Variants in PLEKHG4B observed in about 807,000 individuals in gnomAD.
PLEKHG4B encodes the protein pleckstrin homology and RhoGEF domain containing G4B.
In PLEKHG4B, 111 loss-of-function variants were observed where a neutral mutation model predicts 121.3. The ratio of observed to expected loss-of-function variants is 0.92; its 90% confidence interval spans 0.78 to 1.07. PLEKHG4B has a LOEUF of 1.07. Ranked by LOEUF, PLEKHG4B falls within the 50% of genes least tolerant of loss-of-function variation. The pLI is 0.00. For missense variants in PLEKHG4B, 1,831 were observed against 1,757.8 expected, an observed-to-expected ratio of 1.04 and a Z score of -0.74; for synonymous variants, 738 against 725.0, an observed-to-expected ratio of 1.02 and a Z score of -0.29.
Position 159,838 on chromosome 5 carries a change from C to T in PLEKHG4B, c.2488-1945C>T, listed in dbSNP as rs1219024695. 6.6e-6 allele frequency among the ~76,000 whole-genome samples: 1 copy of T among 152,190 alleles called. No individual in the cohort carries two copies. The highest frequency in any genetic ancestry group is 2.4e-5 in the African/African-American group (1 of 41,450). On this transcript the variant is annotated intron_variant, in intron 11 of 19. Transcript: ENST00000637938. The surrounding 1 kb of genome is among the most constrained non-coding windows in gnomAD (Gnocchi z 5.5). ...CAGCTCCTTCCCTCCGACACTCCCT[C>T]ACCCTGTCCTGTGGAGTCTCGGGAC...
rs1045691072 is a variant in PLEKHG4B, at chr5:156,038, A to T, written c.2209-33A>T. 6.6e-7 allele frequency: 1 copy of T among 1,519,380 alleles called. No homozygotes were observed. Among genetic ancestry groups the T allele is most frequent in the Admixed American group, 2.0e-5 (1 of 51,118 alleles). 94.1% of individuals were successfully genotyped at this position (1,519,380 alleles called of 1,614,324 possible). A position where few individuals can be genotyped will look rare whatever the true frequency, so the allele number is the denominator to read the frequency against. ...GGAGGACCTGCCCCTTGGAGGAGGG[A>T]GTTAAAGGCTTATTCCTCCCCATCC... On this transcript the variant is annotated intron_variant, in intron 9 of 19. Transcript: ENST00000637938. The surrounding 1 kb of genome is among the most constrained non-coding windows in gnomAD (Gnocchi z 4.4).
At chr5:94,774 C>T (rs909601738) in intron 1 of PLEKHG4B, among the ~76,000 whole-genome samples, 2 of 152,080 alleles carry the variant, frequency 1.3e-5, no homozygotes, top group Non-Finnish European at 2.9e-5. Context: ...GTCCAAAGAA[C>T]AGGCCTGGAA....
At chr5:102,727 A>G (rs192561724) in intron 1 of PLEKHG4B, among the ~76,000 whole-genome samples, 202 of 152,328 alleles carry the variant, frequency 1.3e-3, no homozygotes, top group African/African-American at 4.7e-3. Context: ...AGTCTCGAGT[A>G]TCTCTTTATA....
At chr5:176,720 C>T (rs1326641851) in intron 18 of PLEKHG4B, among the ~76,000 whole-genome samples, 1 of 152,250 alleles carries the variant, frequency 6.6e-6, no homozygotes, top group African/African-American at 2.4e-5. Flanking sequence ...AGCTGATGCT[C>T]AGAGACTCGG....
At chr5:118,914 G>A (rs1015326070) in intron 2 of PLEKHG4B, among the ~76,000 whole-genome samples, 1 of 150,994 alleles carries the variant, frequency 6.6e-6, no homozygotes, top group Admixed American at 6.6e-5. Flanking sequence ...GCAGTGGTGC[G>A]ATCATGGCTC....
At chr5:108,357 C>G (rs575930666) in intron 1 of PLEKHG4B, among the ~76,000 whole-genome samples, 1 of 152,210 alleles carries the variant, frequency 6.6e-6, no homozygotes, top group Non-Finnish European at 1.5e-5. Context: ...GTACCAACTT[C>G]GGGCCAACGG....
At chr5:126,778 G>A (rs1451554655) in intron 2 of PLEKHG4B, among the ~76,000 whole-genome samples, 1 of 152,096 alleles carries the variant, frequency 6.6e-6, no homozygotes, top group African/African-American at 2.4e-5. Context: ...GTTTAGGAGT[G>A]GAGGTTTAAT....
chr5:109,552 G>T (rs545694718), intron 1 of PLEKHG4B, among the ~76,000 whole-genome samples: 1 of 152,178 alleles, frequency 6.6e-6, no homozygotes, highest in Non-Finnish European at 1.5e-5. Context: ...GCTAACCCAC[G>T]GGTGACACAG....
intron 18 of PLEKHG4B, among the ~76,000 whole-genome samples, chr5:178,897 T>C: frequency 6.6e-6 from 1 of 152,262 alleles, no homozygotes; most frequent in Admixed American, 6.5e-5. Flanking sequence ...CTTTAAATCA[T>C]CTGTAGATTA....
intron 9 of PLEKHG4B, 140 bp downstream of exon 9, chr5:155,583 C>A (rs570318035): frequency 1.5e-5 from 10 of 686,520 alleles, no homozygotes; most frequent in Non-Finnish European, 2.5e-5. Flanking sequence ...ATTTGTAGAT[C>A]CCTCTTAATT....
At position 156,438 on chromosome 5, in the gene PLEKHG4B, G is replaced by A. The variant is rs1329973484; in HGVS notation, c.2348+228G>A. On this transcript the variant is annotated intron_variant, in intron 10 of 19. Transcript: ENST00000637938. This position sits in a 1 kb window ranked among gnomAD's most constrained non-coding sequence, Gnocchi z 4.4. ...GGATGCTCGGCAGGAGGTGGTCAGA[G>A]TGCATCAGAATGAGCTCATTCTTGA... Among the ~76,000 whole-genome samples the A allele has an allele frequency of 6.6e-6, 1 of 151,690 alleles. No individual in the cohort carries two copies. The highest frequency in any genetic ancestry group is 6.6e-5 in the Admixed American group (1 of 15,214).
intron 11 of PLEKHG4B, 122 bp from the exon 12 acceptor site, chr5:161,661 C>T: frequency 8.2e-7 from 1 of 1,224,186 alleles, no homozygotes; most frequent in Non-Finnish European, 1.2e-6. Context: ...GAGGCAGCAG[C>T]AGGCAGCACT....
At chr5:120,557 A>G (rs987401380) in intron 2 of PLEKHG4B, among the ~76,000 whole-genome samples, 3 of 152,192 alleles carry the variant, frequency 2.0e-5, no homozygotes, top group African/African-American at 7.2e-5. Context: ...GAGAGATCTC[A>G]TTGCACTCCT....
At chr5:134,637 G>A (rs1474821643) in intron 2 of PLEKHG4B, among the ~76,000 whole-genome samples, 1 of 151,836 alleles carries the variant, frequency 6.6e-6, no homozygotes, top group Non-Finnish European at 1.5e-5. Flanking sequence ...ATGGTGGCGT[G>A]TGCCTGTAAT....
intron 1 of PLEKHG4B, among the ~76,000 whole-genome samples, chr5:105,183 G>A (rs1733939874): frequency 6.6e-6 from 1 of 152,274 alleles, no homozygotes; most frequent in South Asian, 2.1e-4. Context: ...CAGTGGGTGA[G>A]GGCTGTTCTG....
In PLEKHG4B at chr5:189,713, G is replaced by C. The variant is rs1180034257; in HGVS notation, c.*7390G>C. ...AGAAGGGAAAACAGTAAGCGAGAGG[G>C]AGGCTGCAGGGGCCCAGACCTTGGC... On this transcript the variant is annotated 3_prime_UTR_variant, in exon 20 of 20. Coordinates refer to ENST00000637938, the MANE Select transcript of PLEKHG4B (RefSeq NM_052909.5). 1 of 152,084 alleles carries C rather than the reference G, an allele frequency of 6.6e-6. No homozygotes were observed. The highest frequency in any genetic ancestry group is 1.5e-5 in the Non-Finnish European group (1 of 68,050). 9.4% of individuals were successfully genotyped at this position (152,084 alleles called of 1,614,324 possible). A position where few individuals can be genotyped will look rare whatever the true frequency, so the allele number is the denominator to read the frequency against.
chr5:94,617 G>T (rs1002469080), intron 1 of PLEKHG4B, among the ~76,000 whole-genome samples: 1 of 151,856 alleles, frequency 6.6e-6, no homozygotes, highest in African/African-American at 2.4e-5. Flanking sequence ...TTGAGAGGTG[G>T]CAGGTTCCAT....
At chr5:127,344 T>TTATTATTATTATTATTATTATTATTAA (rs1361943567) in intron 2 of PLEKHG4B, among the ~76,000 whole-genome samples, 1 of 136,726 alleles carries the variant, frequency 7.3e-6, no homozygotes, top group Non-Finnish European at 1.6e-5. Context: ...TTGGTTTTTA[T>TTATTATTATTATTATTATTATTATTAA]TATTATTATT....
chr5:171,149 C>A lies in PLEKHG4B; in HGVS notation c.3819+17C>A, dbSNP rs755086611. On this transcript the variant is annotated intron_variant, in intron 15 of 19. Coordinates refer to ENST00000637938, the MANE Select transcript of PLEKHG4B (RefSeq NM_052909.5). ...TTCTTCAAGGTCATCCCCCTCGGCC[C>A]GCCCCCCACAGCCTGCCCGGCCCTC... 6.2e-7 allele frequency: 1 copy of A among 1,610,158 alleles called. No individual in the cohort carries two copies. Among genetic ancestry groups the A allele is most frequent in the Non-Finnish European group, 8.5e-7 (1 of 1,177,984 alleles).
Sources: allele counts gnomAD v4.1 joint callset (sites outside exome capture counted in the v4.1 genomes callset), GRCh38; gene constraint gnomAD v4.1.1; non-coding constraint Gnocchi (gnomAD v3.1); transcripts MANE v1.5; gene names NCBI Gene and HGNC (gene_info 2026-07-23, HGNC 2026-07-21).